Variants in GLIS3 observed in about 807,000 individuals in gnomAD.
GLIS3 encodes the protein zinc finger protein GLIS3.
A neutral mutation model predicts 78.6 loss-of-function variants in GLIS3; 53 were observed. The observed-to-expected ratio is 0.67, with a 90% CI of 0.54 to 0.85. The LOEUF (loss-of-function observed/expected upper bound fraction) is 0.85. Ranked by LOEUF, GLIS3 falls within the 40% of genes least tolerant of loss-of-function variation. The probability of loss-of-function intolerance (pLI) is 0.00; values close to 1 mark genes in which losing one functional copy is unlikely to be tolerated. For missense variants in GLIS3, 1,703 were observed against 1,231.1 expected, an observed-to-expected ratio of 1.38 and a Z score of -5.74; for synonymous variants, 684 against 509.9, an observed-to-expected ratio of 1.34 and a Z score of -4.60.
At chr9:3,850,193 G>A (rs1376506307) in intron 9 of GLIS3, among the ~76,000 whole-genome samples, 1 of 152,166 alleles carries the variant, frequency 6.6e-6, no homozygotes, top group Non-Finnish European at 1.5e-5. Flanking sequence ...AAAATAGACT[G>A]GAAAGGCTGG....
chr9:4,087,365 C>A (rs901391090), intron 4 of GLIS3, among the ~76,000 whole-genome samples: 1 of 152,084 alleles, frequency 6.6e-6, no homozygotes, highest in Non-Finnish European at 1.5e-5. Flanking sequence ...CTGTACAGAG[C>A]TACTACTGAG....
At chr9:4,071,972 T>C (rs1564011548) in intron 4 of GLIS3, 1 of 152,236 alleles carries the variant, frequency 6.6e-6, no homozygotes, top group Non-Finnish European at 1.5e-5. Context: ...CCTGCATTTG[T>C]AGAACTCGCT....
chr9:4,092,499 T>G (rs1421796714), intron 4 of GLIS3, among the ~76,000 whole-genome samples: 1 of 152,082 alleles, frequency 6.6e-6, no homozygotes, highest in Admixed American at 6.6e-5. Context: ...CAATATTTCC[T>G]TTCTTTATTT....
At chr9:4,042,819 ACT>A (rs1421638442) in intron 4 of GLIS3, among the ~76,000 whole-genome samples, 3 of 152,208 alleles carry the variant, frequency 2.0e-5, no homozygotes, top group Non-Finnish European at 4.4e-5. Flanking sequence ...TTGATTTAAT[ACT>A]GTGTTTCTCA....
rs568602772 is a variant in GLIS3, at chr9:4,295,743, A to T, written c.-99+3678T>A. ...TGCAAAAAAATGCATCGAGCTCAAG[A>T]TAAGTGTGCTTTTCCGTAAGGATAT... On this transcript the variant is annotated intron_variant, in intron 1 of 10. Coordinates refer to ENST00000381971, the MANE Select transcript of GLIS3 (RefSeq NM_001042413.2). Among the ~76,000 whole-genome samples, 29 of 152,336 alleles carry T rather than the reference A, an allele frequency of 1.9e-4. No individual in the cohort carries two copies. The South Asian group carries it at 5.6e-3, about 29-fold the overall frequency.
intron 4 of GLIS3, among the ~76,000 whole-genome samples, chr9:3,980,722 G>T (rs551546319): frequency 6.6e-6 from 1 of 152,234 alleles, no homozygotes; most frequent in African/African-American, 2.4e-5. Context: ...CAAGGTAAAG[G>T]TTTTTTAAGA....
At chr9:4,023,931 G>C (rs1254388251) in intron 4 of GLIS3, among the ~76,000 whole-genome samples, 1 of 151,924 alleles carries the variant, frequency 6.6e-6, no homozygotes, top group African/African-American at 2.4e-5. Context: ...CAGGGTATAG[G>C]CTGGATCCAG....
upstream of GLIS3, among the ~76,000 whole-genome samples, chr9:4,304,180 G>GTT (rs1270597914): frequency 6.6e-6 from 1 of 152,198 alleles, no homozygotes; most frequent in Non-Finnish European, 1.5e-5. Context: ...TCATTTCAGT[G>GTT]TTCCAAAAGA....
At chr9:4,366,537 G>C in the GLIS3 span, among the ~76,000 whole-genome samples, 1 of 152,190 alleles carries the variant, frequency 6.6e-6, no homozygotes, top group Non-Finnish European at 1.5e-5. Context: ...ATTCAGAGAA[G>C]GAACGTTCCA....
chr9:3,829,730 T>C (rs1817938816), intron 9 of GLIS3, among the ~76,000 whole-genome samples: 1 of 152,208 alleles, frequency 6.6e-6, no homozygotes, highest in Non-Finnish European at 1.5e-5. Context: ...TGTGCTTTAG[T>C]ATCTGAAGTG....
At chr9:4,389,114 C>A in the GLIS3 span, among the ~76,000 whole-genome samples, 1 of 152,180 alleles carries the variant, frequency 6.6e-6, no homozygotes, top group African/African-American at 2.4e-5. Flanking sequence ...CTACTCTGAG[C>A]TGCATGTTTG....
chr9:4,266,321 A>C (rs918109651), intron 2 of GLIS3, among the ~76,000 whole-genome samples: 2 of 152,252 alleles, frequency 1.3e-5, no homozygotes, highest in South Asian at 2.1e-4. Context: ...GTATCTGACT[A>C]TGCAGGATGG....
intron 4 of GLIS3, among the ~76,000 whole-genome samples, chr9:3,955,370 T>C (rs965043300): frequency 7.2e-5 from 11 of 152,110 alleles, no homozygotes; most frequent in Non-Finnish European, 1.6e-4. Context: ...TGTTTATTTA[T>C]TGAAAAAGAG....
the GLIS3 span, among the ~76,000 whole-genome samples, chr9:4,398,483 C>T: frequency 2.6e-5 from 4 of 152,048 alleles, no homozygotes; most frequent in East Asian, 1.9e-4. Context: ...GCCTTGGGGT[C>T]GTGGACATTG....
chr9:4,057,719 T>C (rs534061789), intron 4 of GLIS3, among the ~76,000 whole-genome samples: 2 of 148,122 alleles, frequency 1.4e-5, no homozygotes, highest in Non-Finnish European at 3.0e-5. Context: ...GAAAAAAAAA[T>C]AGTTTACTCA....
chr9:3,915,035 T>C (rs1472630097), intron 6 of GLIS3, among the ~76,000 whole-genome samples: 2 of 151,774 alleles, frequency 1.3e-5, no homozygotes, highest in African/African-American at 4.8e-5. Flanking sequence ...ATGAATCACA[T>C]GACCTTTTGA....
intron 6 of GLIS3, among the ~76,000 whole-genome samples, chr9:3,929,220 C>A (rs1218662559): frequency 1.3e-5 from 2 of 152,190 alleles, no homozygotes; most frequent in East Asian, 3.8e-4. Flanking sequence ...AAGCACATTC[C>A]ATGAAAGAAG....
chr9:4,448,341 G>A, the GLIS3 span, among the ~76,000 whole-genome samples: 4 of 152,160 alleles, frequency 2.6e-5, no homozygotes, highest in Non-Finnish European at 5.9e-5. Flanking sequence ...ACCCAGCCTA[G>A]CCACTCAGGC....
chr9:4,025,219 T>G (rs900230715), intron 4 of GLIS3, among the ~76,000 whole-genome samples: 44 of 151,134 alleles, frequency 2.9e-4, no homozygotes, highest in African/African-American at 1.0e-3. Context: ...GGCACTGCAC[T>G]CCAACCTAGG....
Sources: gnomAD v4.1 joint callset for allele counts (sites outside exome capture counted in the v4.1 genomes callset) on GRCh38, gnomAD v4.1.1 for gene constraint, MANE v1.5 for transcripts, NCBI Gene and HGNC (gene_info 2026-07-23, HGNC 2026-07-21) for gene names.